Variants in COL18A1 observed in about 807,000 individuals in gnomAD.
The protein encoded by COL18A1 is collagen alpha-1(XVIII) chain.
In COL18A1, 133 loss-of-function variants were observed where a neutral mutation model predicts 168.0. That is an observed-to-expected ratio of 0.79 (90% CI 0.69 to 0.91). The LOEUF (loss-of-function observed/expected upper bound fraction) is 0.91, where lower values mean the gene tolerates loss of function less well. COL18A1 is among the 40% of genes least tolerant of loss of function. COL18A1 has a pLI of 0.00. For synonymous variants in COL18A1, 949 were observed against 809.0 expected (o/e 1.17, Z -2.94); for missense variants, 2,126 against 1,925.4 (o/e 1.10, Z -1.95).
chr21:45,405,544 G>A (rs920921193), intron 2 of COL18A1, 71 bp downstream of exon 2: 46 of 1,000,808 alleles, frequency 4.6e-5, no homozygotes, highest in Middle Eastern at 3.9e-4. Flanking sequence ...TGGGGTCCCC[G>A]CCCGGCTCCC....
chr21:45,446,113 G>A (rs532317220), intron 2 of COL18A1, among the ~76,000 whole-genome samples: 2 of 152,344 alleles, frequency 1.3e-5, no homozygotes, highest in Admixed American at 6.5e-5. Context: ...TGCATGTGGT[G>A]TGAAGTAGGG....
chr21:45,510,315 G>T (rs1030133820), intron 40 of COL18A1, 54 bp downstream of exon 40: 93 of 1,538,046 alleles, frequency 6.0e-5, no homozygotes, highest in Non-Finnish European at 7.9e-5. Flanking sequence ...CTTGACCTCT[G>T]GGGTGAACTC....
In COL18A1 at chr21:45,498,316, TCCCCTCTCGCC is replaced by T. The variant is rs2036612753; in HGVS notation, c.2683+656_2683+666del. 1.5e-6 allele frequency: 1 copy of T among 687,322 alleles called. No homozygotes were observed. Among genetic ancestry groups the T allele is most frequent in the African/African-American group, 1.8e-5 (1 of 56,084 alleles). The allele number at this position is 687,322 out of a possible 1,614,324, so 42.6% of individuals were successfully genotyped here. A position where few individuals can be genotyped will look rare whatever the true frequency, so the allele number is the denominator to read the frequency against. ...CCAGGGTCCCCTCTCGCCGCCACGG[TCCCCTCTCGCC>T]GCCAGGGTCCCCTCTCACCGCCAGG... On this transcript the variant is annotated intron_variant, in intron 32 of 41. Transcript: ENST00000651438. This position sits in a 1 kb window ranked among gnomAD's most constrained non-coding sequence, Gnocchi z 4.5.
chr21:45,504,207 C>T, intron 33 of COL18A1, 153 bp downstream of exon 33: 1 of 967,470 alleles, frequency 1.0e-6, no homozygotes, highest in South Asian at 1.4e-5. Flanking sequence ...GGGCGTCCCT[C>T]AGGATGTTCC....
At position 45,482,968 on chromosome 21, in the gene COL18A1, C is replaced by T. The variant is rs1021321555; in HGVS notation, c.1701+147C>T. ...CCCCCACTCCTGCCATCTGTCCATC[C>T]GTCCTGCCGGAATCGCGGGCAGCAG... On this transcript the variant is annotated intron_variant, in intron 15 of 41. Transcript: ENST00000651438. 4.9e-5 allele frequency: 60 copies of T among 1,229,882 alleles called. 2 individuals carry two copies. The highest frequency in any genetic ancestry group is 1.5e-4 in the South Asian group (12 of 78,276). The allele number at this position is 1,229,882 out of a possible 1,614,324, so 76.2% of individuals were successfully genotyped here.
At chr21:45,429,266 C>A (rs570617664) in intron 2 of COL18A1, among the ~76,000 whole-genome samples, 267 of 152,266 alleles carry the variant, frequency 1.8e-3, no homozygotes, top group African/African-American at 5.9e-3. Context: ...TGTCTCCTTT[C>A]CTTTGGAAAA....
chr21:45,414,897 C>T (rs1343857347), intron 2 of COL18A1, among the ~76,000 whole-genome samples: 3 of 152,116 alleles, frequency 2.0e-5, no homozygotes, highest in Non-Finnish European at 4.4e-5. Flanking sequence ...CAGGTGGGCC[C>T]CACGTCATTA....
intron 18 of COL18A1, among the ~76,000 whole-genome samples, chr21:45,488,836 C>T (rs2036202970): frequency 6.6e-6 from 1 of 152,088 alleles, no homozygotes; most frequent in South Asian, 2.1e-4. Flanking sequence ...CCTTGTAGGA[C>T]CCAGGAGCTT....
intron 2 of COL18A1, among the ~76,000 whole-genome samples, chr21:45,459,207 A>T (rs1340992761): frequency 6.6e-6 from 1 of 152,030 alleles, no homozygotes; most frequent in African/African-American, 2.4e-5. Context: ...GCTCCTCCCC[A>T]GCCCAGGCTC....
chr21:45,473,858 A>G lies in COL18A1; in HGVS notation c.652-37A>G. ...GCACCGGGGTTGCCACTGCCACCTC[A>G]GGACCGCTGGTGACCCCTTTCTCTG... On this transcript the variant is annotated intron_variant, in intron 3 of 41. Coordinates refer to ENST00000651438, the MANE Select transcript of COL18A1 (RefSeq NM_001379500.1). This position sits in a 1 kb window ranked among gnomAD's most constrained non-coding sequence, Gnocchi z 4.0. The G allele has an allele frequency of 6.5e-7, 1 of 1,543,866 alleles. No homozygotes were observed.
rs775944368 is a variant in COL18A1 at position 45,504,488 on chromosome 21, G to C, written c.2800G>C (p.Gly934Arg). The stretch of plus-strand genomic sequence containing the variant: ...GGAGCCCGGGGGCGGCGGTTTCTTC[G>C]GCTCCAGCCTGCCCGGCCCCCCCGG... Reference protein sequence around the residue: ...RGEPGGGGFFGSSLPGPPGPP... With the variant: ...RGEPGGGGFFRSSLPGPPGPP... The change falls in exon 34 of 42, where the codon GGC becomes CGC. Residue 934 changes from glycine (G) to arginine (R), a missense_variant. Coordinates refer to ENST00000651438, the MANE Select transcript of COL18A1 (RefSeq NM_001379500.1). The C allele has an allele frequency of 3.8e-6, 6 of 1,590,494 alleles. No individual in the cohort carries two copies. Among genetic ancestry groups the C allele is most frequent in the Non-Finnish European group, 5.1e-6 (6 of 1,173,010 alleles).
rs1273030231 is a variant in COL18A1, at chr21:45,471,441, A to C, written c.652-2454A>C. 1.3e-5 allele frequency among the ~76,000 whole-genome samples: 2 copies of C among 152,150 alleles called. No individual in the cohort carries two copies. The highest frequency in any genetic ancestry group is 2.9e-5 in the Non-Finnish European group (2 of 68,030). On this transcript the variant is annotated intron_variant, in intron 3 of 41. Transcript: ENST00000651438. This position sits in a 1 kb window ranked among gnomAD's most constrained non-coding sequence, Gnocchi z 4.4. ...TAATTTTTGGCAGAAACAAGCACAG[A>C]GCTTTGGGAGCAGGGAGGAAACCGA...
At chr21:45,510,641 C>T (rs1324637255) in intron 40 of COL18A1, among the ~76,000 whole-genome samples, 1 of 152,220 alleles carries the variant, frequency 6.6e-6, no homozygotes, top group Non-Finnish European at 1.5e-5. Flanking sequence ...GCCATGCGGG[C>T]TGGTGGCCCC....
chr21:45,437,144 ACACT>A lies in COL18A1; in HGVS notation c.107-31094_107-31091del, dbSNP rs534219581. On this transcript the variant is annotated intron_variant, in intron 2 of 41. Coordinates refer to ENST00000651438, the MANE Select transcript of COL18A1 (RefSeq NM_001379500.1). ...ACAGACACACAGGCACTCTCCACACACACTCACACTCAGACACAGGCACTCTCCT... is the reference window on the plus strand; with the variant it reads ...ACAGACACACAGGCACTCTCCACACACACACTCAGACACAGGCACTCTCCT... 9.0e-3 allele frequency among the ~76,000 whole-genome samples: 803 copies of A among 89,612 alleles called. 53 individuals carry two copies. Among genetic ancestry groups the A allele is most frequent in the South Asian group, 0.012 (35 of 2,934 alleles). 58.8% of individuals were successfully genotyped at this position (89,612 alleles called of 152,430 possible).
chr21:45,504,593 A>AG (rs2037072028), intron 34 of COL18A1, 37 bp downstream of exon 34: 4 of 1,546,972 alleles, frequency 2.6e-6, no homozygotes, highest in Non-Finnish European at 3.5e-6. Flanking sequence ...CCCATGTCCC[A>AG]GGGGTCTGGG....
At chr21:45,415,955 T>A (rs2033430941) in intron 2 of COL18A1, among the ~76,000 whole-genome samples, 1 of 152,152 alleles carries the variant, frequency 6.6e-6, no homozygotes, top group African/African-American at 2.4e-5. Context: ...GAACACTGCG[T>A]GGGCCCTCGG....
intron 2 of COL18A1, chr21:45,421,576 C>G (rs1555969519): frequency 3.7e-6 from 2 of 534,602 alleles, no homozygotes; most frequent in South Asian, 2.8e-5. Context: ...CCTTCCATTT[C>G]TTAAATTGCT....
chr21:45,460,160 C>T (rs562084683), intron 2 of COL18A1, among the ~76,000 whole-genome samples: 39 of 152,356 alleles, frequency 2.6e-4, no homozygotes, highest in African/African-American at 8.7e-4. Flanking sequence ...GGCCCCAGAG[C>T]GCTCTTCAGC....
rs966306922 is a variant in COL18A1, at chr21:45,477,769, A to G, written c.1025A>G (p.Lys342Arg). Residue 342 changes from lysine to arginine, a missense_variant, in exon 8 of 42, where the codon AAA becomes AGA. Physicochemically the swap from Lys to Arg is conservative, Grantham distance 26 (BLOSUM62 2). Coordinates refer to ENST00000651438, the MANE Select transcript of COL18A1 (RefSeq NM_001379500.1). Reference protein sequence around the residue: ...RVKEGGLKGQKGEPGVPGPPG... With the variant: ...RVKEGGLKGQRGEPGVPGPPG... ...TCCCAGGGCGGCCTGAAGGGGCAGA[A>G]AGGGGAGCCAGGTGTTCCGGGCCCA... The G allele has an allele frequency of 6.5e-7, 1 of 1,542,994 alleles. No individual in the cohort carries two copies. Among genetic ancestry groups the G allele is most frequent in the Non-Finnish European group, 8.7e-7 (1 of 1,143,592 alleles).
Sources: gnomAD v4.1 joint callset for allele counts (sites outside exome capture counted in the v4.1 genomes callset) on GRCh38, gnomAD v4.1.1 for gene constraint, Gnocchi (gnomAD v3.1) non-coding constraint, MANE v1.5 for transcripts, NCBI Gene and HGNC (gene_info 2026-07-23, HGNC 2026-07-21) for gene names.